The following CATSPER3 variants were observed in gnomAD, a reference collection of about 807,000 sequenced individuals.
CATSPER3 encodes cation channel sperm associated 3.
CATSPER3 carries 23 observed loss-of-function variants against 36.6 expected under a neutral mutation model. The ratio of observed to expected loss-of-function variants is 0.63; its 90% confidence interval spans 0.45 to 0.89. The LOEUF (loss-of-function observed/expected upper bound fraction) is 0.89. CATSPER3 is among the 40% of genes least tolerant of loss of function. CATSPER3 has a pLI of 0.00. For synonymous variants in CATSPER3, 172 were observed against 184.1 expected, an observed-to-expected ratio of 0.93 and a Z score of 0.53; for missense variants, 474 against 503.9, an observed-to-expected ratio of 0.94 and a Z score of 0.57.
chr5:134,996,623 A>G, intron 3 of CATSPER3, 111 bp downstream of exon 3: 1 of 1,049,440 alleles, frequency 9.5e-7, no homozygotes, highest in Non-Finnish European at 1.4e-6. Flanking sequence ...TGTTGAGTCC[A>G]ACGTGTGTGG....
rs927170532 is a variant in CATSPER3 at position 135,009,505 on chromosome 5, C to T, written c.936+15C>T. 5.3e-6 allele frequency: 7 copies of T among 1,310,880 alleles called. No individual in the cohort carries two copies. The highest frequency in any genetic ancestry group is 6.9e-6 in the Non-Finnish European group (7 of 1,017,162). The allele number at this position is 1,310,880 out of a possible 1,614,324, so 81.2% of individuals were successfully genotyped here. A position where few individuals can be genotyped will look rare whatever the true frequency, so the allele number is the denominator to read the frequency against. On this transcript the variant is annotated intron_variant, in intron 6 of 7. Transcript: ENST00000282611. The stretch of plus-strand genomic sequence containing the variant: ...TGCACATACAGGTGAGTGGCCCCTG[C>T]AGGCAGGTGGACAGATGGGTGGATG...
At chr5:135,002,642 CTTGGAGGCT>C (rs1363271929) in intron 3 of CATSPER3, among the ~76,000 whole-genome samples, 5 of 152,200 alleles carry the variant, frequency 3.3e-5, no homozygotes, top group African/African-American at 1.2e-4. Context: ...TCCCATATTT[CTTGGAGGCT>C]TTGTTCGTTT....
intron 2 of CATSPER3, among the ~76,000 whole-genome samples, chr5:134,979,970 T>C (rs1751730459): frequency 9.2e-6 from 1 of 108,192 alleles, no homozygotes; most frequent in South Asian, 3.5e-4. Flanking sequence ...CCTCCTTTCC[T>C]ACCCTTCCCT....
At position 134,979,054 on chromosome 5, in the gene CATSPER3, C is replaced by T. The variant is rs183585593; in HGVS notation, c.252+8962C>T. 2.5e-3 allele frequency among the ~76,000 whole-genome samples: 380 copies of T among 152,230 alleles called. 2 individuals carry two copies. Among genetic ancestry groups the T allele is most frequent in the Non-Finnish European group, 3.9e-3 (266 of 68,002 alleles). On this transcript the variant is annotated intron_variant, in intron 2 of 7. Transcript: ENST00000282611. The stretch of plus-strand genomic sequence containing the variant: ...TTATATTTTCACTGCCTTGTCCACT[C>T]CCCTCCCCAGCATGGTGATGATCCT...
chr5:135,009,075 T>A (rs1752143762), intron 5 of CATSPER3, 94 bp downstream of exon 5: 1 of 1,534,346 alleles, frequency 6.5e-7, no homozygotes, highest in East Asian at 2.3e-5. Flanking sequence ...GCTGTGTAGC[T>A]GTGTCTTCCC....
At chr5:134,968,790 C>G (rs1025963912) in intron 1 of CATSPER3, 2 of 151,570 alleles carry the variant, frequency 1.3e-5, no homozygotes, top group Non-Finnish European at 2.9e-5. Context: ...TAATGGGAAA[C>G]AGTAATACGT....
chr5:135,011,466 G>T lies in CATSPER3; in HGVS notation c.1095-55G>T, dbSNP rs1231428736. On this transcript the variant is annotated intron_variant, in intron 7 of 7. Coordinates refer to ENST00000282611, the MANE Select transcript of CATSPER3 (RefSeq NM_178019.3). The stretch of plus-strand genomic sequence containing the variant: ...AACGTGTGGTCAGTGGGGCCAGGGG[G>T]TCCTGGAGCCTGCCTCTGACCTCAG... 9 of 1,329,784 alleles carry T rather than the reference G, an allele frequency of 6.8e-6. No homozygotes were observed. The South Asian group carries it at 7.3e-5, about 11-fold the overall frequency. 82.4% of individuals were successfully genotyped at this position (1,329,784 alleles called of 1,614,324 possible).
chr5:134,970,895 T>C (rs915017703), intron 2 of CATSPER3, among the ~76,000 whole-genome samples: 1 of 152,118 alleles, frequency 6.6e-6, no homozygotes, highest in African/African-American at 2.4e-5. Context: ...TTAAGTCTCC[T>C]TGAATCTCCT....
At chr5:134,990,987 A>AT (rs1285291507) in intron 2 of CATSPER3, among the ~76,000 whole-genome samples, 2 of 152,232 alleles carry the variant, frequency 1.3e-5, no homozygotes, top group East Asian at 3.8e-4. Flanking sequence ...AATCAATTGT[A>AT]TTTCTATGCA....
In CATSPER3 at chr5:134,980,049, A is replaced by G. The variant is rs550539295; in HGVS notation, c.252+9957A>G. 4.7e-3 allele frequency among the ~76,000 whole-genome samples: 706 copies of G among 151,194 alleles called. 5 individuals are homozygous for G. The highest frequency in any genetic ancestry group is 0.016 in the African/African-American group (644 of 41,186). ...TGGGCTAGAGTGAAGTGACATGATC[A>G]TAGCTCACTGCAGCCTTAAACTCCT... On this transcript the variant is annotated intron_variant, in intron 2 of 7. Transcript: ENST00000282611.
intron 3 of CATSPER3, among the ~76,000 whole-genome samples, chr5:134,998,897 G>A (rs1425875028): frequency 6.6e-6 from 1 of 152,148 alleles, no homozygotes; most frequent in African/African-American, 2.4e-5. Flanking sequence ...TTCTTTTGCT[G>A]TGCAGAAGCT....
At chr5:134,988,822 G>A (rs1236629231) in intron 2 of CATSPER3, among the ~76,000 whole-genome samples, 2 of 151,904 alleles carry the variant, frequency 1.3e-5, no homozygotes, top group Non-Finnish European at 1.5e-5. Flanking sequence ...AGTCCTGAAT[G>A]TTCTTAATGG....
In CATSPER3 at chr5:134,981,763, C is replaced by T. The variant is rs1382806882; in HGVS notation, c.252+11671C>T. Among the ~76,000 whole-genome samples, 3 of 152,184 alleles carry T rather than the reference C, an allele frequency of 2.0e-5. No homozygotes were observed. In the East Asian group the frequency reaches 5.8e-4, roughly 29 times the overall value. On this transcript the variant is annotated intron_variant, in intron 2 of 7. Coordinates refer to ENST00000282611, the MANE Select transcript of CATSPER3 (RefSeq NM_178019.3). ...CAATCAAAGAAACAAAAATGTCTGACTTATACAATGAACAGAAACTCTTCC... is the reference window on the plus strand; with the variant it reads ...CAATCAAAGAAACAAAAATGTCTGATTTATACAATGAACAGAAACTCTTCC...
At position 134,989,999 on chromosome 5, in the gene CATSPER3, C is replaced by T. The variant is rs1751858473; in HGVS notation, c.253-6274C>T. 3.3e-5 allele frequency among the ~76,000 whole-genome samples: 5 copies of T among 152,022 alleles called. No individual in the cohort carries two copies. In the South Asian group the frequency reaches 1.0e-3, roughly 32 times the overall value. On this transcript the variant is annotated intron_variant, in intron 2 of 7. Transcript: ENST00000282611. Reference sequence around the variant, plus strand: ...TTACATCTCAAGGAATAAGGAGGCCCCAGGAGAGGGAGAGAGATGGAGGAA... The same window carrying T: ...TTACATCTCAAGGAATAAGGAGGCCTCAGGAGAGGGAGAGAGATGGAGGAA...
intron 2 of CATSPER3, among the ~76,000 whole-genome samples, chr5:134,990,982 A>G (rs1158421308): frequency 6.6e-6 from 1 of 152,226 alleles, no homozygotes; most frequent in African/African-American, 2.4e-5. Flanking sequence ...AAAAAAATCA[A>G]TTGTATTTCT....
At chr5:134,993,795 C>T (rs552340343) in intron 2 of CATSPER3, among the ~76,000 whole-genome samples, 1 of 152,328 alleles carries the variant, frequency 6.6e-6, no homozygotes, top group Admixed American at 6.5e-5. Flanking sequence ...CTAACCTGGA[C>T]TATATGGTTT....
At chr5:135,009,727 T>C (rs1752154927) in intron 6 of CATSPER3, among the ~76,000 whole-genome samples, 1 of 144,328 alleles carries the variant, frequency 6.9e-6, no homozygotes, top group Non-Finnish European at 1.5e-5. Flanking sequence ...AATGTCTCCC[T>C]CTGTTGTGGG....
chr5:135,009,844 C>T (rs1264793710), intron 6 of CATSPER3, among the ~76,000 whole-genome samples: 2 of 152,312 alleles, frequency 1.3e-5, no homozygotes, highest in South Asian at 2.1e-4. Context: ...ACTGAGTGGA[C>T]GAGGATGCAG....
At chr5:135,006,138 C>T (rs979262233) in intron 3 of CATSPER3, among the ~76,000 whole-genome samples, 2 of 152,220 alleles carry the variant, frequency 1.3e-5, no homozygotes, top group South Asian at 4.1e-4. Context: ...ACTGGGCAAC[C>T]CTCTCCTAGG....
Sources: allele counts gnomAD v4.1 joint callset (sites outside exome capture counted in the v4.1 genomes callset), GRCh38; gene constraint gnomAD v4.1.1; transcripts MANE v1.5; gene names NCBI Gene and HGNC (gene_info 2026-07-23, HGNC 2026-07-21).